TDRD3: variants seen among roughly 807,000 people sequenced by gnomAD.
The protein encoded by TDRD3 is tudor domain-containing protein 3.
TDRD3 carries 45 observed loss-of-function variants against 86.7 expected under a neutral mutation model. The observed-to-expected ratio is 0.52, with a 90% CI of 0.41 to 0.67. TDRD3 has a LOEUF of 0.67. TDRD3 is among the 30% of genes least tolerant of loss of function. The probability of loss-of-function intolerance (pLI) is 0.00; values close to 1 mark genes in which losing one functional copy is unlikely to be tolerated. For synonymous variants in TDRD3, 298 were observed against 301.7 expected, an observed-to-expected ratio of 0.99 and a Z score of 0.13; for missense variants, 814 against 889.0, an observed-to-expected ratio of 0.92 and a Z score of 1.07.
chr13:60,444,775 T>A (rs917227399), intron 3 of TDRD3, 27 bp downstream of exon 3: 1 of 1,262,816 alleles, frequency 7.9e-7, no homozygotes, highest in African/African-American at 1.5e-5. Context: ...ACTTCTTACA[T>A]TAATTAATTT....
intron 12 of TDRD3, among the ~76,000 whole-genome samples, chr13:60,552,085 T>A (rs145844139): frequency 3.3e-5 from 5 of 152,200 alleles, no homozygotes; most frequent in African/African-American, 1.2e-4. Flanking sequence ...ACCAATCATG[T>A]CTTCCCAACA....
At chr13:60,539,032 A>G (rs2137834830) in intron 12 of TDRD3, among the ~76,000 whole-genome samples, 1 of 152,300 alleles carries the variant, frequency 6.6e-6, no homozygotes, top group Non-Finnish European at 1.5e-5. Context: ...TTCAACTAGA[A>G]AAATGATTAT....
intron 2 of TDRD3, among the ~76,000 whole-genome samples, chr13:60,440,578 G>A (rs1045928259): frequency 7.2e-5 from 11 of 152,182 alleles, no homozygotes; most frequent in Non-Finnish European, 1.5e-4. Flanking sequence ...CTACTCGGGA[G>A]GCTGAGACAG....
chr13:60,558,258 C>T (rs1481058560), intron 12 of TDRD3, among the ~76,000 whole-genome samples: 2 of 152,172 alleles, frequency 1.3e-5, no homozygotes, highest in African/African-American at 4.8e-5. Flanking sequence ...ATGATATAAT[C>T]ATTGCTCTCA....
chr13:60,412,368 C>A (rs891472640), intron 1 of TDRD3, among the ~76,000 whole-genome samples: 4 of 151,994 alleles, frequency 2.6e-5, no homozygotes, highest in African/African-American at 9.7e-5. Flanking sequence ...ACTTAATATT[C>A]TTCTACTTTT....
At position 60,549,601 on chromosome 13, in the gene TDRD3, C is replaced by T. The variant is rs547411586; in HGVS notation, c.2118+14368C>T. Among the ~76,000 whole-genome samples, 6 of 152,114 alleles carry T rather than the reference C, an allele frequency of 3.9e-5. No homozygotes were observed. The South Asian group carries it at 6.2e-4, about 16-fold the overall frequency. On this transcript the variant is annotated intron_variant, in intron 12 of 13. Coordinates refer to ENST00000377881, the MANE Select transcript of TDRD3 (RefSeq NM_001146070.2). ...GTGTGTGTGTGCACGTGTATGTGCA[C>T]GTGGACAAACGTGAGAGATATCAGT...
chr13:60,522,936 C>T (rs770733845), intron 10 of TDRD3, among the ~76,000 whole-genome samples: 14 of 152,070 alleles, frequency 9.2e-5, no homozygotes, highest in Non-Finnish European at 1.8e-4. Flanking sequence ...TGTGTTTTAG[C>T]TTCAGTTAGA....
At chr13:60,496,649 T>G (rs541717311) in intron 8 of TDRD3, among the ~76,000 whole-genome samples, 1 of 152,200 alleles carries the variant, frequency 6.6e-6, no homozygotes, top group African/African-American at 2.4e-5. Context: ...TTTGACCATA[T>G]GTGGAGAACC....
intron 7 of TDRD3, among the ~76,000 whole-genome samples, chr13:60,489,260 C>T (rs1351731886): frequency 1.3e-5 from 2 of 152,150 alleles, no homozygotes; most frequent in East Asian, 3.8e-4. Context: ...TTCTTTTAGA[C>T]TGATAAGAAA....
At chr13:60,434,507 G>A (rs1955040269) in intron 1 of TDRD3, among the ~76,000 whole-genome samples, 1 of 151,616 alleles carries the variant, frequency 6.6e-6, no homozygotes, top group Admixed American at 6.6e-5. Context: ...AAACTGCGGT[G>A]ACTTAAAAAT....
At chr13:60,437,548 CCTT>C (rs756383808) in intron 1 of TDRD3, among the ~76,000 whole-genome samples, 7 of 151,418 alleles carry the variant, frequency 4.6e-5, no homozygotes, top group Non-Finnish European at 7.4e-5. Flanking sequence ...CTCTAGGACT[CCTT>C]CATCTGTAAA....
intron 3 of TDRD3, among the ~76,000 whole-genome samples, chr13:60,453,378 A>T (rs1176118962): frequency 6.6e-6 from 1 of 152,220 alleles, no homozygotes; most frequent in African/African-American, 2.4e-5. Flanking sequence ...ACTTAGATAA[A>T]TCTGGTTACC....
chr13:60,563,694 A>G (rs1958389693), intron 12 of TDRD3, among the ~76,000 whole-genome samples: 1 of 152,236 alleles, frequency 6.6e-6, no homozygotes, highest in African/African-American at 2.4e-5. Flanking sequence ...ACTGGTTTGT[A>G]TGCTTAGCTG....
intron 12 of TDRD3, among the ~76,000 whole-genome samples, chr13:60,561,299 C>G (rs1374003222): frequency 2.0e-5 from 3 of 152,118 alleles, no homozygotes; most frequent in African/African-American, 7.2e-5. Flanking sequence ...GAGAAAGGCT[C>G]TGAACTCAGA....
intron 3 of TDRD3, among the ~76,000 whole-genome samples, chr13:60,454,135 G>T (rs1476482135): frequency 6.7e-6 from 1 of 148,524 alleles, no homozygotes; most frequent in Non-Finnish European, 1.5e-5. Flanking sequence ...AGAATATTAG[G>T]TTTGTTTTGG....
intron 1 of TDRD3, among the ~76,000 whole-genome samples, chr13:60,435,515 T>G (rs1955067341): frequency 6.6e-6 from 1 of 152,170 alleles, no homozygotes; most frequent in Non-Finnish European, 1.5e-5. Flanking sequence ...GTGAGAACAT[T>G]AAGTATTTGG....
At chr13:60,424,748 T>C (rs1385900674) in intron 1 of TDRD3, among the ~76,000 whole-genome samples, 1 of 152,222 alleles carries the variant, frequency 6.6e-6, no homozygotes, top group Non-Finnish European at 1.5e-5. Context: ...TAATCATCAC[T>C]ACTATCTAAT....
chr13:60,472,703 A>G (rs1440164293), intron 5 of TDRD3, among the ~76,000 whole-genome samples: 3 of 152,198 alleles, frequency 2.0e-5, no homozygotes, highest in African/African-American at 7.2e-5. Flanking sequence ...TCTTGAAGAA[A>G]TATTTGTGTA....
intron 5 of TDRD3, among the ~76,000 whole-genome samples, chr13:60,476,179 C>G (rs1385194435): frequency 3.3e-5 from 5 of 152,112 alleles, no homozygotes; most frequent in Admixed American, 6.6e-5. Flanking sequence ...TTAGATGTTA[C>G]ATTAAAGTCT....
Sources: allele counts gnomAD v4.1 joint callset (sites outside exome capture counted in the v4.1 genomes callset), GRCh38; gene constraint gnomAD v4.1.1; transcripts MANE v1.5; gene names NCBI Gene and HGNC (gene_info 2026-07-23, HGNC 2026-07-21).